Variants in HERC5 observed in about 807,000 individuals in gnomAD.
HERC5 encodes HECT and RLD domain containing E3 ubiquitin protein ligase 5.
Under a neutral mutation model 119.6 loss-of-function variants are expected in HERC5, and 99 were observed. The ratio of observed to expected loss-of-function variants is 0.83; its 90% CI spans 0.70 to 0.98. The LOEUF is 0.98. HERC5 is among the 50% of genes least tolerant of loss of function. The pLI is 0.00. For missense variants in HERC5, 1,267 were observed against 1,241.3 expected (o/e 1.02, Z -0.31); for synonymous variants, 478 against 445.9 (o/e 1.07, Z -0.91).
At chr4:88,492,723 A>T (rs1240512639) in intron 16 of HERC5, among the ~76,000 whole-genome samples, 7 of 152,090 alleles carry the variant, frequency 4.6e-5, no homozygotes, top group Admixed American at 1.3e-4. Context: ...TCCAGCCTAG[A>T]CAACAGAGTG....
chr4:88,457,258 C>T lies in HERC5; in HGVS notation c.-12C>T. The stretch of plus-strand genomic sequence containing the variant: ...CCTCTCGCCTCTGGGCCTGGGACCC[C>T]GCAAAGCGGCGATGGAGCGGAGGTC... On this transcript the variant is annotated 5_prime_UTR_variant, in exon 1 of 23. Transcript: ENST00000264350. 1 of 1,325,232 alleles carries T rather than the reference C, an allele frequency of 7.5e-7. No homozygotes were observed. Among genetic ancestry groups the T allele is most frequent in the East Asian group, 3.1e-5 (1 of 32,086 alleles). 82.1% of individuals were successfully genotyped at this position (1,325,232 alleles called of 1,614,324 possible).
chr4:88,461,055 G>A (rs963258216), intron 3 of HERC5, among the ~76,000 whole-genome samples: 11 of 152,252 alleles, frequency 7.2e-5, no homozygotes, highest in East Asian at 1.9e-4. Flanking sequence ...AGGGGAATTC[G>A]AAGTCAAGGG....
intron 10 of HERC5, 72 bp from the exon 11 acceptor site, chr4:88,472,337 G>T (rs1740903245): frequency 1.2e-6 from 1 of 837,542 alleles, no homozygotes; most frequent in Non-Finnish European, 2.0e-6. Flanking sequence ...TTGAAATGGG[G>T]CAAGCTCTAG....
intron 20 of HERC5, among the ~76,000 whole-genome samples, chr4:88,501,292 T>G (rs1005060653): frequency 2.6e-5 from 4 of 152,158 alleles, no homozygotes; most frequent in Admixed American, 2.6e-4. Context: ...TTACCTACCT[T>G]TAGGGTTTAT....
rs1742098039 is a variant in HERC5, at chr4:88,506,125, G to A, written c.*247G>A. ...CTACATCATATTCCTTACCTCTTTTGGGAAATATTTTTCAAAAATAAAATA... is the reference window on the plus strand; with the variant it reads ...CTACATCATATTCCTTACCTCTTTTAGGAAATATTTTTCAAAAATAAAATA... On this transcript the variant is annotated 3_prime_UTR_variant, in exon 23 of 23. Coordinates refer to ENST00000264350, the MANE Select transcript of HERC5 (RefSeq NM_016323.4). 1.3e-5 allele frequency: 5 copies of A among 396,478 alleles called. No homozygotes were observed. The highest frequency in any genetic ancestry group is 8.5e-5 in the Admixed American group (2 of 23,660). The allele number at this position is 396,478 out of a possible 1,614,324, so 24.6% of individuals were successfully genotyped here. A position where few individuals can be genotyped will look rare whatever the true frequency, so the allele number is the denominator to read the frequency against.
chr4:88,459,252 T>G, intron 1 of HERC5, 95 bp from the exon 2 acceptor site: 1 of 1,095,550 alleles, frequency 9.1e-7, no homozygotes, highest in South Asian at 3.0e-5. Flanking sequence ...TAGTTGAAAT[T>G]TTTCCCAGAT....
chr4:88,469,258 A>C lies in HERC5; in HGVS notation c.1236A>C (p.Lys412Asn). ...AGACTAAACGGTGGCAGAGCACAAA[A>C]AGGTACACCCCACAGTCTGACTCTC... ...DVETKRWQST[K>N]REIQEIFSSP... Residue 412 changes from lysine (K) to asparagine (N), a missense_variant and splice_region_variant, in exon 9 of 23, where the codon AAA becomes AAC. Physicochemically the swap from Lys to Asn is moderately conservative, Grantham distance 94 (BLOSUM62 0). Coordinates refer to ENST00000264350, the MANE Select transcript of HERC5 (RefSeq NM_016323.4). 6.3e-7 allele frequency: 1 copy of C among 1,599,420 alleles called. No individual in the cohort carries two copies. Among genetic ancestry groups the C allele is most frequent in the Non-Finnish European group, 8.6e-7 (1 of 1,166,642 alleles).
At chr4:88,498,185 G>A (rs1462945878) in intron 18 of HERC5, among the ~76,000 whole-genome samples, 1 of 152,176 alleles carries the variant, frequency 6.6e-6, no homozygotes, top group African/African-American at 2.4e-5. Flanking sequence ...TGAGGCAACT[G>A]CAGAGAGCCC....
At chr4:88,484,559 C>T (rs1741395189) in intron 13 of HERC5, among the ~76,000 whole-genome samples, 1 of 152,156 alleles carries the variant, frequency 6.6e-6, no homozygotes, top group African/African-American at 2.4e-5. Flanking sequence ...AATTTTTCCC[C>T]AACTCAGCAC....
intron 10 of HERC5, 106 bp from the exon 11 acceptor site, chr4:88,472,303 C>T (rs571798687): frequency 2.9e-6 from 2 of 689,850 alleles, no homozygotes; most frequent in East Asian, 5.0e-5. Flanking sequence ...TATAGTTACA[C>T]ACTTGAGAAA....
Position 88,457,402 on chromosome 4 carries a change from G to A in HERC5, c.133G>A (p.Ala45Thr). 1.4e-6 allele frequency: 2 copies of A among 1,397,938 alleles called. No individual in the cohort carries two copies. The highest frequency in any genetic ancestry group is 1.9e-6 in the Non-Finnish European group (2 of 1,078,582). 86.6% of individuals were successfully genotyped at this position (1,397,938 alleles called of 1,614,324 possible). Residue 45 changes from alanine (A) to threonine (T), a missense_variant, in exon 1 of 23, where the codon GCG becomes ACG. Physicochemically the swap from Ala to Thr is moderately conservative, Grantham distance 58. This residue lies in a region of HERC5 where 777 missense variants were observed against 758.0 expected (regional missense o/e 1.03). Coordinates refer to ENST00000264350, the MANE Select transcript of HERC5 (RefSeq NM_016323.4). The stretch of plus-strand genomic sequence containing the variant: ...TCCCAGCGCCGCGGGCCTCCACCGC[G>A]CGCTGCTCCGGAGGGTGGAGGTGAC... ...LFPSAAGLHRALLRRVEVTRQ... is the reference protein window; with the variant it reads ...LFPSAAGLHRTLLRRVEVTRQ...
intron 14 of HERC5, among the ~76,000 whole-genome samples, chr4:88,486,585 C>G (rs1357499608): frequency 6.6e-6 from 1 of 152,202 alleles, no homozygotes; most frequent in Non-Finnish European, 1.5e-5. Context: ...GGTGTAAGCA[C>G]TCCTTTTTTA....
intron 17 of HERC5, 45 bp downstream of exon 17, chr4:88,493,200 G>C (rs758267111): frequency 6.3e-7 from 1 of 1,585,730 alleles, no homozygotes; most frequent in Non-Finnish European, 8.6e-7. Flanking sequence ...GACAGAAAAA[G>C]TACACCATAT....
intron 2 of HERC5, 151 bp downstream of exon 2, chr4:88,459,621 C>A: frequency 1.9e-6 from 1 of 515,376 alleles, no homozygotes; most frequent in South Asian, 4.2e-5. Context: ...GTCCTTATGT[C>A]CCCCAGGGCA....
intron 18 of HERC5, among the ~76,000 whole-genome samples, chr4:88,495,879 C>T (rs1741782073): frequency 6.6e-6 from 1 of 152,142 alleles, no homozygotes; most frequent in Non-Finnish European, 1.5e-5. Context: ...TAACAATGTA[C>T]ATGAACTAAA....
intron 14 of HERC5, 107 bp from the exon 15 acceptor site, chr4:88,486,962 T>C (rs1741485078): frequency 3.1e-6 from 2 of 643,666 alleles, no homozygotes; most frequent in Admixed American, 6.4e-5. Context: ...ATTGCTTTTG[T>C]TGGAAGTACT....
In HERC5 at chr4:88,488,135, A is replaced by T. The variant is rs374301235; in HGVS notation, c.1962+956A>T. Among the ~76,000 whole-genome samples, 5 of 152,058 alleles carry T rather than the reference A, an allele frequency of 3.3e-5. No homozygotes were observed. In the East Asian group the frequency reaches 5.8e-4, roughly 18 times the overall value. The stretch of plus-strand genomic sequence containing the variant: ...ACTTTGTTTTGCTTCAACTCTTATA[A>T]CCTATTCTCTCCTGATTTTAAACAA... On this transcript the variant is annotated intron_variant, in intron 15 of 22. Coordinates refer to ENST00000264350, the MANE Select transcript of HERC5 (RefSeq NM_016323.4).
chr4:88,463,833 A>T, intron 5 of HERC5, 22 bp from the exon 6 acceptor site: 9 of 1,612,152 alleles, frequency 5.6e-6, no homozygotes, highest in Non-Finnish European at 7.6e-6. Flanking sequence ...CTAGCATCTG[A>T]TATGACATTC....
At position 88,500,915 on chromosome 4, in the gene HERC5, G is replaced by A. The variant is rs1270882021; in HGVS notation, c.2512G>A (p.Val838Met). Residue 838 changes from valine to methionine, a missense_variant and splice_region_variant, in exon 20 of 23, where the codon GTG (valine) becomes ATG (methionine). Physicochemically the swap from Val to Met is conservative, Grantham distance 21 (BLOSUM62 1). Coordinates refer to ENST00000264350, the MANE Select transcript of HERC5 (RefSeq NM_016323.4). ...TATCTGAGTTCATTTGCGGTTACAG[G>A]TGCACTGGGACAGAAACGACACAAA... ...FEEVFYIHFN[V>M]HWDRNDTNLI... 6 of 1,610,086 alleles carry A rather than the reference G, an allele frequency of 3.7e-6. No individual in the cohort carries two copies. The South Asian group carries it at 5.5e-5, about 15-fold the overall frequency.
Sources: allele counts gnomAD v4.1 joint callset (sites outside exome capture counted in the v4.1 genomes callset), GRCh38; gene constraint gnomAD v4.1.1; regional missense constraint gnomAD v4.1.1; transcripts MANE v1.5; gene names NCBI Gene and HGNC (gene_info 2026-07-23, HGNC 2026-07-21).